The following SORCS2 variants were observed in gnomAD, a reference collection of about 807,000 sequenced individuals.
The protein encoded by SORCS2 is VPS10 domain-containing receptor SorCS2.
SORCS2 carries 100 observed loss-of-function variants against 141.6 expected under a neutral mutation model. The observed-to-expected ratio is 0.71, with a 90% CI of 0.60 to 0.83. The LOEUF (loss-of-function observed/expected upper bound fraction) is 0.83, where lower values mean the gene tolerates loss of function less well. Ranked by LOEUF, SORCS2 falls within the 40% of genes least tolerant of loss-of-function variation. SORCS2 has a pLI of 0.00. For synonymous variants in SORCS2, 789 were observed against 676.9 expected, an observed-to-expected ratio of 1.17 and a Z score of -2.57; for missense variants, 1,646 against 1,560.2, an observed-to-expected ratio of 1.05 and a Z score of -0.93.
chr4:7,560,659 C>T (rs1488111151), intron 3 of SORCS2, among the ~76,000 whole-genome samples: 1 of 152,156 alleles, frequency 6.6e-6, no homozygotes, highest in Non-Finnish European at 1.5e-5. Context: ...GCTCTGGGTA[C>T]ATGGGGCTCA....
At chr4:7,237,470 C>T (rs1424618820) in intron 1 of SORCS2, among the ~76,000 whole-genome samples, 1 of 152,178 alleles carries the variant, frequency 6.6e-6, no homozygotes, top group Non-Finnish European at 1.5e-5. Context: ...AATATAGTTG[C>T]AGCCAGGGAG....
chr4:7,371,319 A>G (rs970326266), intron 1 of SORCS2, among the ~76,000 whole-genome samples: 7 of 152,182 alleles, frequency 4.6e-5, no homozygotes, highest in Non-Finnish European at 8.8e-5. Context: ...AACCTGGAGC[A>G]CATCTGAAGT....
intron 17 of SORCS2, 109 bp downstream of exon 17, chr4:7,715,420 G>A: frequency 5.4e-6 from 8 of 1,495,094 alleles, no homozygotes; most frequent in South Asian, 2.6e-5. Context: ...ACTCCCAAGT[G>A]GAGTCGGGGA....
intron 10 of SORCS2, among the ~76,000 whole-genome samples, chr4:7,687,765 G>T (rs1239626283): frequency 6.6e-6 from 1 of 152,100 alleles, no homozygotes; most frequent in African/African-American, 2.4e-5. Context: ...CAAATGCATA[G>T]TTCAGTGGCT....
chr4:7,403,987 ATATATATATATTT>A (rs1173228212), intron 2 of SORCS2, among the ~76,000 whole-genome samples: 2,313 of 22,120 alleles, frequency 0.1, 110 homozygotes, highest in Non-Finnish European at 0.18. Flanking sequence ...ATATATATAT[ATATATATATATTT>A]TTTTTTTTTT....
intron 7 of SORCS2, among the ~76,000 whole-genome samples, chr4:7,665,883 C>T (rs185109417): frequency 6.6e-6 from 1 of 152,192 alleles, no homozygotes; most frequent in African/African-American, 2.4e-5. Flanking sequence ...CCGGAGCTCA[C>T]CTATGGCCGA....
At chr4:7,627,801 C>A (rs1719613546) in intron 3 of SORCS2, among the ~76,000 whole-genome samples, 3 of 152,224 alleles carry the variant, frequency 2.0e-5, no homozygotes, top group Admixed American at 1.3e-4. Flanking sequence ...TAGATCCAGC[C>A]ATTCACCAGT....
At chr4:7,655,115 A>T (rs913093847) in intron 5 of SORCS2, among the ~76,000 whole-genome samples, 2 of 152,040 alleles carry the variant, frequency 1.3e-5, no homozygotes, top group African/African-American at 4.8e-5. Flanking sequence ...TGCTGGGGCC[A>T]TATCCCGTCC....
rs367686011 is a variant in SORCS2, at chr4:7,585,291, G to T, written c.649-53037G>T. Among the ~76,000 whole-genome samples, 6 of 152,170 alleles carry T rather than the reference G, an allele frequency of 3.9e-5. No homozygotes were observed. The East Asian group carries it at 1.2e-3, about 29-fold the overall frequency. ...GGCTAAAACCGTCAGCTCTAGTGCG[G>T]CCTGCATTCCTGCACCAGTATCTCA... is the stretch of plus-strand genomic sequence containing the variant. On this transcript the variant is annotated intron_variant, in intron 3 of 26. Transcript: ENST00000507866.
chr4:7,671,752 C>T (rs539919970), intron 8 of SORCS2, among the ~76,000 whole-genome samples: 1 of 152,078 alleles, frequency 6.6e-6, no homozygotes, highest in East Asian at 1.9e-4. Context: ...TTGTGGGAGT[C>T]CCAGAAGGAA....
chr4:7,521,645 G>A (rs1177411656), intron 2 of SORCS2, among the ~76,000 whole-genome samples: 2 of 152,208 alleles, frequency 1.3e-5, no homozygotes, highest in Non-Finnish European at 2.9e-5. Context: ...CGTGACCGAA[G>A]CTCAGAATGA....
Position 7,540,066 on chromosome 4 carries a change from C to A in SORCS2, c.648+8437C>A, listed in dbSNP as rs1333462152. On this transcript the variant is annotated intron_variant, in intron 3 of 26. Coordinates refer to ENST00000507866, the MANE Select transcript of SORCS2 (RefSeq NM_020777.3). Reference sequence around the variant, plus strand: ...CCCCACCCCCTGCCTGTCGTGGAGGCCCCGCCCCTCCTGTTATGGAGGCCC... The same window carrying A: ...CCCCACCCCCTGCCTGTCGTGGAGGACCCGCCCCTCCTGTTATGGAGGCCC... Among the ~76,000 whole-genome samples, 5 of 126,880 alleles carry A rather than the reference C, an allele frequency of 3.9e-5. No individual in the cohort carries two copies. In the South Asian group the frequency reaches 1.2e-3, roughly 30 times the overall value. The allele number at this position is 126,880 out of a possible 152,430, so 83.2% of individuals were successfully genotyped here.
chr4:7,613,178 C>T (rs1718534157), intron 3 of SORCS2, among the ~76,000 whole-genome samples: 1 of 152,366 alleles, frequency 6.6e-6, no homozygotes, highest in South Asian at 2.1e-4. Context: ...GAACAAGCAT[C>T]GGGGCATCCC....
At chr4:7,732,297 A>T (rs756604595) in intron 23 of SORCS2, among the ~76,000 whole-genome samples, 77 of 152,174 alleles carry the variant, frequency 5.1e-4, no homozygotes, top group Middle Eastern at 3.2e-3. Flanking sequence ...AGAGCTGACC[A>T]GTGCTGTGAA....
At chr4:7,294,295 A>C (rs1716804888) in intron 1 of SORCS2, among the ~76,000 whole-genome samples, 1 of 152,188 alleles carries the variant, frequency 6.6e-6, no homozygotes. Flanking sequence ...ACTGGGGCCA[A>C]GGCCTATTTG....
At chr4:7,379,873 C>G (rs1722884109) in intron 1 of SORCS2, among the ~76,000 whole-genome samples, 1 of 152,212 alleles carries the variant, frequency 6.6e-6, no homozygotes, top group Non-Finnish European at 1.5e-5. Flanking sequence ...TCACCAAATG[C>G]TATTTTTAAA....
At chr4:7,643,250 T>C (rs1276551789) in intron 4 of SORCS2, among the ~76,000 whole-genome samples, 5 of 152,230 alleles carry the variant, frequency 3.3e-5, no homozygotes, top group Non-Finnish European at 7.3e-5. Flanking sequence ...CTCAGCCGAC[T>C]GCAGTAGGCT....
chr4:7,297,431 G>A (rs888147629), intron 1 of SORCS2, among the ~76,000 whole-genome samples: 1 of 152,100 alleles, frequency 6.6e-6, no homozygotes, highest in Admixed American at 6.5e-5. Context: ...CCCCACCCCA[G>A]GGATCTTGCT....
At chr4:7,532,153 C>G (rs538327799) in intron 3 of SORCS2, among the ~76,000 whole-genome samples, 1 of 152,170 alleles carries the variant, frequency 6.6e-6, no homozygotes, top group African/African-American at 2.4e-5. Context: ...GGCTACCCAC[C>G]GTGGGTTCCG....
Sources: gnomAD v4.1 joint callset for allele counts (sites outside exome capture counted in the v4.1 genomes callset) on GRCh38, gnomAD v4.1.1 for gene constraint, MANE v1.5 for transcripts, NCBI Gene and HGNC (gene_info 2026-07-23, HGNC 2026-07-21) for gene names.